Variants in CDH18 observed in about 807,000 individuals in gnomAD.
CDH18 encodes cadherin-18.
In CDH18, 31 loss-of-function variants were observed where a neutral mutation model predicts 67.9. That is an observed-to-expected ratio of 0.46 (90% CI 0.34 to 0.62). The LOEUF is 0.62. Among genes scored for constraint, CDH18 ranks in the 20% least tolerant of loss-of-function variants. CDH18 has a pLI of 0.01. For synonymous variants in CDH18, 362 were observed against 347.2 expected (o/e 1.04, Z -0.48); for missense variants, 890 against 975.5 (o/e 0.91, Z 1.17).
chr5:19,800,039 C>T (rs1274576549), intron 3 of CDH18, among the ~76,000 whole-genome samples: 1 of 151,998 alleles, frequency 6.6e-6, no homozygotes, highest in Non-Finnish European at 1.5e-5. Context: ...GGTTTGCTCT[C>T]AACACAATAG....
chr5:20,340,782 T>G (rs1740190973), intron 1 of CDH18, among the ~76,000 whole-genome samples: 1 of 152,126 alleles, frequency 6.6e-6, no homozygotes, highest in South Asian at 2.1e-4. Flanking sequence ...GCCTTCCTCC[T>G]CCTGTAGCAT....
rs1355849636 is a variant in CDH18, at chr5:20,435,390, AC to A, written c.-580+140071del. On this transcript the variant is annotated intron_variant, in intron 1 of 14. Coordinates refer to the CDH18 transcript ENST00000507958. ...GCATGAACAAAAGAGCTAATCAATT[AC>A]TATTTTCAAAATTCATGTCCATCAG... is the stretch of plus-strand genomic sequence containing the variant. 2.6e-5 allele frequency among the ~76,000 whole-genome samples: 4 copies of A among 152,176 alleles called. No homozygotes were observed. In the East Asian group the frequency reaches 7.7e-4, roughly 29 times the overall value.
intron 2 of CDH18, among the ~76,000 whole-genome samples, chr5:19,937,538 T>C (rs1040468678): frequency 6.6e-6 from 1 of 151,594 alleles, no homozygotes; most frequent in Middle Eastern, 3.4e-3. Context: ...ATGTTTTCTA[T>C]AGCAAACGAA....
At chr5:19,957,798 G>A (rs182980561) in intron 2 of CDH18, among the ~76,000 whole-genome samples, 3 of 151,762 alleles carry the variant, frequency 2.0e-5, no homozygotes, top group Admixed American at 6.6e-5. Flanking sequence ...TACAATAGAA[G>A]ACTATTTATT....
intron 1 of CDH18, among the ~76,000 whole-genome samples, chr5:20,326,557 G>C (rs74551615): frequency 5.7e-5 from 3 of 52,942 alleles, no homozygotes; most frequent in Non-Finnish European, 1.2e-4. Flanking sequence ...TTTTTTTTTT[G>C]AGATGGAGTC....
intron 7 of CDH18, among the ~76,000 whole-genome samples, chr5:19,584,312 G>A (rs964865793): frequency 2.0e-5 from 3 of 152,292 alleles, no homozygotes; most frequent in South Asian, 2.1e-4. Context: ...AGACAGGAAC[G>A]TTGCAGACAG....
intron 8 of CDH18, among the ~76,000 whole-genome samples, chr5:19,560,500 C>A (rs1273059936): frequency 6.6e-6 from 1 of 151,978 alleles, no homozygotes; most frequent in Non-Finnish European, 1.5e-5. Flanking sequence ...CACCCTTATA[C>A]AAAACTCACC....
At chr5:19,845,376 C>T (rs1030916363) in intron 2 of CDH18, among the ~76,000 whole-genome samples, 1 of 152,130 alleles carries the variant, frequency 6.6e-6, no homozygotes, top group Admixed American at 6.6e-5. Context: ...TTGGAAAAGA[C>T]ACCAGCTATC....
intron 1 of CDH18, among the ~76,000 whole-genome samples, chr5:20,529,827 A>T (rs1756291240): frequency 6.6e-6 from 1 of 152,052 alleles, no homozygotes. Context: ...GAAAACCGGC[A>T]AAAGACAAGG....
rs148321421 is a variant in CDH18 at position 19,815,731 on chromosome 5, C to T, written c.228+23028G>A. Among the ~76,000 whole-genome samples the T allele has an allele frequency of 5.8e-4, 88 of 152,008 alleles. No individual in the cohort carries two copies. In the Middle Eastern group the frequency reaches 0.014, roughly 24 times the overall value. The stretch of plus-strand genomic sequence containing the variant: ...ACCTCCGTAACTAATCCTATGAACA[C>T]GAAGAGGCCTCTTAACTGTTTTGAG... On this transcript the variant is annotated intron_variant, in intron 3 of 12. Transcript: ENST00000382275.
At chr5:20,174,936 T>C (rs894535970) in intron 2 of CDH18, among the ~76,000 whole-genome samples, 3 of 152,160 alleles carry the variant, frequency 2.0e-5, no homozygotes, top group Non-Finnish European at 4.4e-5. Flanking sequence ...AAAATTAGGT[T>C]CTATTTTTAT....
At chr5:19,530,515 G>C (rs188147790) in intron 9 of CDH18, among the ~76,000 whole-genome samples, 100 of 152,104 alleles carry the variant, frequency 6.6e-4, no homozygotes, top group Non-Finnish European at 1.2e-3. Flanking sequence ...CATGTGCCAT[G>C]TTGGTGTGCT....
Position 20,330,441 on chromosome 5 carries a change from C to G in CDH18, c.-579-74936G>C, listed in dbSNP as rs543805658. 2.0e-5 allele frequency among the ~76,000 whole-genome samples: 3 copies of G among 152,172 alleles called. No homozygotes were observed. In the South Asian group the frequency reaches 6.2e-4, roughly 32 times the overall value. On this transcript the variant is annotated intron_variant, in intron 1 of 14. Coordinates refer to the CDH18 transcript ENST00000507958. ...AATAATAATTGGTCCCAGCTGGTGC[C>G]AGGGAAAGGCGGTCTTCCAATAGAT...
chr5:19,662,142 C>CTT (rs70950081), intron 5 of CDH18, among the ~76,000 whole-genome samples: 5,796 of 147,652 alleles, frequency 0.039, 352 homozygotes, highest in African/African-American at 0.13. Flanking sequence ...TTAAAGATGA[C>CTT]TTTTTTTTTT....
chr5:20,565,219 C>A (rs73767805), intron 1 of CDH18, among the ~76,000 whole-genome samples: 1 of 152,038 alleles, frequency 6.6e-6, no homozygotes, highest in African/African-American at 2.4e-5. Context: ...TTTTGAGAAC[C>A]AGTTAAGGGG....
At chr5:19,581,058 A>T (rs1042457041) in intron 7 of CDH18, among the ~76,000 whole-genome samples, 10 of 151,944 alleles carry the variant, frequency 6.6e-5, no homozygotes, top group African/African-American at 2.4e-4. Flanking sequence ...AAGCTAAGAA[A>T]CTAAAATGCT....
At chr5:20,442,514 G>A (rs1037363484) in intron 1 of CDH18, among the ~76,000 whole-genome samples, 2 of 151,934 alleles carry the variant, frequency 1.3e-5, no homozygotes, top group South Asian at 2.1e-4. Flanking sequence ...TAAGTGGTGC[G>A]CTAATGGCAG....
At chr5:20,325,312 C>A (rs1460787141) in intron 1 of CDH18, among the ~76,000 whole-genome samples, 2 of 152,202 alleles carry the variant, frequency 1.3e-5, no homozygotes, top group Admixed American at 6.5e-5. Context: ...TACCACATCA[C>A]AATAACTTGC....
chr5:19,557,061 C>G (rs1294416806), intron 8 of CDH18, among the ~76,000 whole-genome samples: 1 of 152,040 alleles, frequency 6.6e-6, no homozygotes, highest in Non-Finnish European at 1.5e-5. Flanking sequence ...AGGGAAAATA[C>G]AGTCTTTTTC....
Sources: allele counts gnomAD v4.1 joint callset (sites outside exome capture counted in the v4.1 genomes callset), GRCh38; gene constraint gnomAD v4.1.1; transcripts MANE v1.5; gene names NCBI Gene and HGNC (gene_info 2026-07-23, HGNC 2026-07-21).